Variants in KLRG1 observed in about 807,000 individuals in gnomAD.
KLRG1 encodes the protein killer cell lectin like receptor G1, also known as killer cell lectin-like receptor subfamily G member 1.
KLRG1 carries 16 observed loss-of-function variants against 21.8 expected under a neutral mutation model. The ratio of observed to expected loss-of-function variants is 0.73; its 90% CI spans 0.50 to 1.11. The LOEUF (loss-of-function observed/expected upper bound fraction) is 1.11. Among genes scored for constraint, KLRG1 ranks in the 50% most tolerant of loss-of-function variants. The pLI is 0.00. For synonymous variants in KLRG1, 69 were observed against 75.9 expected (o/e 0.91, Z 0.47); for missense variants, 173 against 218.3 (o/e 0.79, Z 1.31).
the KLRG1 span, chr12:9,196,789 A>G: frequency 1.0e-6 from 1 of 979,778 alleles, no homozygotes; most frequent in Non-Finnish European, 1.6e-6. Context: ...TTTTTGCATT[A>G]AGTAAGTTAA....
At chr12:9,014,299 C>G (rs1327362274), downstream of KLRG1, among the ~76,000 whole-genome samples, 2 of 151,924 alleles carry the variant, frequency 1.3e-5, no homozygotes, top group East Asian at 3.9e-4. Flanking sequence ...TCAAATAAGA[C>G]TACATTTAAT....
chr12:9,138,235 A>G, the KLRG1 span, among the ~76,000 whole-genome samples: 1 of 151,920 alleles, frequency 6.6e-6, no homozygotes, highest in African/African-American at 2.4e-5. Context: ...AGAATGTTGA[A>G]TTTTGTCAAA....
the KLRG1 span, among the ~76,000 whole-genome samples, chr12:9,054,707 T>TG: frequency 6.6e-6 from 1 of 152,190 alleles, no homozygotes; most frequent in African/African-American, 2.4e-5. Context: ...AGGGTAAAAT[T>TG]GGTTTTGTTC....
the KLRG1 span, chr12:9,202,386 C>A: frequency 1.2e-6 from 2 of 1,614,058 alleles, no homozygotes; most frequent in Non-Finnish European, 1.7e-6. Context: ...AAAAGTAGTT[C>A]TCCGATAAGA....
chr12:9,079,439 T>C, the KLRG1 span: 5 of 1,247,084 alleles, frequency 4.0e-6, no homozygotes, highest in South Asian at 6.5e-5. Flanking sequence ...TTAAATTTTG[T>C]TGTCATAGAT....
the KLRG1 span, chr12:9,157,423 T>A: frequency 7.1e-7 from 1 of 1,412,006 alleles, no homozygotes; most frequent in African/African-American, 1.4e-5. Flanking sequence ...GAGAGCTGGA[T>A]ATTGACAGTC....
At chr12:9,143,292 C>T in the KLRG1 span, among the ~76,000 whole-genome samples, 2 of 152,116 alleles carry the variant, frequency 1.3e-5, no homozygotes, top group African/African-American at 4.8e-5. Context: ...CGACCCTAGC[C>T]ACTTCCCAGA....
the KLRG1 span, chr12:9,194,374 T>A: frequency 2.9e-6 from 2 of 686,494 alleles, no homozygotes; most frequent in Non-Finnish European, 4.8e-6. Flanking sequence ...CCTTCATATT[T>A]ACGACAAAAT....
upstream of KLRG1, among the ~76,000 whole-genome samples, chr12:8,985,695 A>AGAACTGTAGGGCAGGGTATG (rs1946832591): frequency 6.6e-6 from 1 of 152,234 alleles, no homozygotes; most frequent in Non-Finnish European, 1.5e-5. Context: ...ACAGATGAAG[A>AGAACTGTAGGGCAGGGTATG]GAACTGTAGG....
At chr12:9,027,897 C>G in the KLRG1 span, 46 of 888,174 alleles carry the variant, frequency 5.2e-5, no homozygotes, top group Non-Finnish European at 8.3e-5. Context: ...GTTTCCAGAA[C>G]CATTTCGACC....
the KLRG1 span, among the ~76,000 whole-genome samples, chr12:9,093,736 CTTT>C: frequency 6.6e-6 from 1 of 151,890 alleles, no homozygotes; most frequent in South Asian, 2.1e-4. Flanking sequence ...AGGAAAGCTT[CTTT>C]GAGGAGGAAA....
chr12:9,101,533 AG>A, the KLRG1 span: 2 of 1,614,014 alleles, frequency 1.2e-6, no homozygotes, highest in Non-Finnish European at 1.7e-6. Flanking sequence ...GTATGGCCAC[AG>A]GGTAGTTCAT....
the KLRG1 span, chr12:9,074,735 C>G: frequency 6.2e-7 from 1 of 1,613,754 alleles, no homozygotes; most frequent in Non-Finnish European, 8.5e-7. Context: ...GTAAAAATGC[C>G]CCACTGGTGC....
chr12:9,136,717 A>G, the KLRG1 span, among the ~76,000 whole-genome samples: 1 of 152,008 alleles, frequency 6.6e-6, no homozygotes, highest in Non-Finnish European at 1.5e-5. Flanking sequence ...GATAATAGGC[A>G]TCCTGACATG....
At chr12:9,201,657 T>C in the KLRG1 span, among the ~76,000 whole-genome samples, 3 of 152,140 alleles carry the variant, frequency 2.0e-5, no homozygotes, top group Non-Finnish European at 2.9e-5. Context: ...AATATGACTA[T>C]ACTGCTTACT....
intron 1 of KLRG1, among the ~76,000 whole-genome samples, chr12:8,978,694 C>CTTTCTT (rs1946704454): frequency 8.3e-6 from 1 of 121,012 alleles, no homozygotes; most frequent in Non-Finnish European, 1.7e-5. Flanking sequence ...CTTTCTTTTT[C>CTTTCTT]TTTCTTTTCT....
the KLRG1 span, among the ~76,000 whole-genome samples, chr12:9,091,675 C>T: frequency 2.6e-5 from 4 of 152,078 alleles, no homozygotes; most frequent in African/African-American, 4.8e-5. Flanking sequence ...ATTTAACATG[C>T]AGTTTGAGAT....
the KLRG1 span, chr12:9,091,360 G>T: frequency 6.2e-7 from 1 of 1,614,202 alleles, no homozygotes; most frequent in Admixed American, 1.7e-5. Flanking sequence ...CAGACAGGCA[G>T]AAGGCCCCTG....
chr12:9,099,346 T>C, the KLRG1 span: 1 of 1,539,020 alleles, frequency 6.5e-7, no homozygotes, highest in African/African-American at 1.4e-5. Flanking sequence ...CTTCTAGTTT[T>C]ACATGTTGAA....
Sources: allele counts gnomAD v4.1 joint callset (sites outside exome capture counted in the v4.1 genomes callset), GRCh38; gene constraint gnomAD v4.1.1; transcripts MANE v1.5; gene names NCBI Gene and HGNC (gene_info 2026-07-23, HGNC 2026-07-21).